SUPT3H: variants seen among roughly 807,000 people sequenced by gnomAD.
The protein encoded by SUPT3H is transcription initiation protein SPT3 homolog.
SUPT3H carries 44 observed loss-of-function variants against 44.3 expected under a neutral mutation model. The ratio of observed to expected loss-of-function variants is 0.99; its 90% confidence interval spans 0.78 to 1.28. The LOEUF (loss-of-function observed/expected upper bound fraction) is 1.28, where lower values mean the gene tolerates loss of function less well. Among genes scored for constraint, SUPT3H ranks in the 50% most tolerant of loss-of-function variants. SUPT3H has a pLI of 0.00. For missense variants in SUPT3H, 380 were observed against 387.1 expected (o/e 0.98, Z 0.15); for synonymous variants, 124 against 125.6 (o/e 0.99, Z 0.09).
intron 2 of SUPT3H, among the ~76,000 whole-genome samples, chr6:45,158,225 T>C (rs1200450691): frequency 1.4e-5 from 2 of 138,730 alleles, no homozygotes; most frequent in African/African-American, 5.4e-5. Flanking sequence ...GATAGATAGA[T>C]AGATAGATAG....
chr6:45,327,414 A>G (rs1229857298), intron 2 of SUPT3H, among the ~76,000 whole-genome samples: 2 of 152,044 alleles, frequency 1.3e-5, no homozygotes, highest in Non-Finnish European at 2.9e-5. Flanking sequence ...TAAACTACTT[A>G]AAGAACTATA....
intron 3 of SUPT3H, among the ~76,000 whole-genome samples, chr6:45,061,396 T>C (rs1299257088): frequency 6.6e-6 from 1 of 152,078 alleles, no homozygotes; most frequent in African/African-American, 2.4e-5. Context: ...AGCCAAACGA[T>C]GAGAACACGT....
chr6:44,976,551 C>T (rs1007590093), intron 6 of SUPT3H, among the ~76,000 whole-genome samples: 7 of 151,956 alleles, frequency 4.6e-5, no homozygotes, highest in South Asian at 2.1e-4. Flanking sequence ...TTAGTAGAGA[C>T]GGGGTTTCAC....
chr6:45,239,556 T>C (rs767548186), intron 2 of SUPT3H, among the ~76,000 whole-genome samples: 18 of 152,350 alleles, frequency 1.2e-4, no homozygotes, highest in South Asian at 1.0e-3. Context: ...ACATCACACA[T>C]GTTCCCTCGT....
intron 2 of SUPT3H, among the ~76,000 whole-genome samples, chr6:45,287,248 A>T (rs1264286646): frequency 7.2e-6 from 1 of 138,546 alleles, no homozygotes; most frequent in East Asian, 1.9e-4. Context: ...TAATAAAAAT[A>T]AAAAATAAAA....
At chr6:44,824,093 G>T (rs1767561894), downstream of SUPT3H, among the ~76,000 whole-genome samples, 1 of 152,222 alleles carries the variant, frequency 6.6e-6, no homozygotes, top group African/African-American at 2.4e-5. Flanking sequence ...TCTTCCTGTG[G>T]GATTAGGAAC....
chr6:45,308,584 T>G (rs537590390), intron 2 of SUPT3H, among the ~76,000 whole-genome samples: 96 of 152,080 alleles, frequency 6.3e-4, no homozygotes, highest in Non-Finnish European at 1.3e-3. Flanking sequence ...CTACAAGAGC[T>G]CCTGTCCTGG....
chr6:45,239,967 G>A (rs1173374503), intron 2 of SUPT3H, among the ~76,000 whole-genome samples: 2 of 152,200 alleles, frequency 1.3e-5, no homozygotes, highest in Non-Finnish European at 2.9e-5. Flanking sequence ...ATCAGCAGCT[G>A]AAGAGCATCT....
At chr6:44,874,979 C>G (rs1209859026) in intron 10 of SUPT3H, among the ~76,000 whole-genome samples, 3 of 96,598 alleles carry the variant, frequency 3.1e-5, no homozygotes, top group Admixed American at 1.1e-4. Flanking sequence ...GAACTACAAA[C>G]CACTGCTCAA....
chr6:45,319,556 C>A lies in SUPT3H; in HGVS notation c.101+45645G>T, dbSNP rs146407462. 2.5e-3 allele frequency among the ~76,000 whole-genome samples: 374 copies of A among 152,204 alleles called. 3 individuals are homozygous for A. Among genetic ancestry groups the A allele is most frequent in the African/African-American group, 8.7e-3 (360 of 41,546 alleles). Reference sequence around the variant, plus strand: ...TGAAATTCAGATCAGAATACAAGCTCAATTTTTATTTACCAATAAAAATAC... The same window carrying A: ...TGAAATTCAGATCAGAATACAAGCTAAATTTTTATTTACCAATAAAAATAC... On this transcript the variant is annotated intron_variant, in intron 2 of 10. Coordinates refer to ENST00000371459, the MANE Select transcript of SUPT3H (RefSeq NM_003599.4).
chr6:45,210,097 T>G (rs974177671), intron 2 of SUPT3H, among the ~76,000 whole-genome samples: 1 of 151,960 alleles, frequency 6.6e-6, no homozygotes, highest in African/African-American at 2.4e-5. Flanking sequence ...TGTATACTGC[T>G]TTTTTTTAAA....
chr6:44,957,582 A>C (rs894491340), intron 7 of SUPT3H, among the ~76,000 whole-genome samples: 1 of 152,072 alleles, frequency 6.6e-6, no homozygotes, highest in African/African-American at 2.4e-5. Context: ...TAAACAGTTG[A>C]TTTTAAAAGT....
chr6:45,100,380 T>TA (rs1165384453), intron 3 of SUPT3H, among the ~76,000 whole-genome samples: 2 of 150,532 alleles, frequency 1.3e-5, no homozygotes, highest in Non-Finnish European at 3.0e-5. Context: ...AAAATCCAAT[T>TA]AAAAAAATAG....
intron 10 of SUPT3H, among the ~76,000 whole-genome samples, chr6:44,869,136 G>A (rs1775952900): frequency 6.6e-6 from 1 of 152,154 alleles, no homozygotes; most frequent in African/African-American, 2.4e-5. Context: ...CTCTAGCAGT[G>A]CCAGCTCTTG....
chr6:45,101,817 C>T (rs1798621293), intron 3 of SUPT3H, among the ~76,000 whole-genome samples: 1 of 151,988 alleles, frequency 6.6e-6, no homozygotes, highest in Middle Eastern at 3.4e-3. Context: ...AAAAAAAAAC[C>T]TGGCAGTGAG....
At chr6:44,809,553 A>T (rs1218655111) in intron 11 of SUPT3H, 1 of 152,248 alleles carries the variant, frequency 6.6e-6, no homozygotes, top group Admixed American at 6.5e-5. Context: ...GAAAAGCACA[A>T]AGTTGGTACA....
chr6:45,235,828 C>T (rs1296877220), intron 2 of SUPT3H, among the ~76,000 whole-genome samples: 1 of 152,256 alleles, frequency 6.6e-6, no homozygotes, highest in South Asian at 2.1e-4. Context: ...ATGGCCATGA[C>T]TCCCATGCTG....
intron 10 of SUPT3H, among the ~76,000 whole-genome samples, chr6:44,910,234 C>T (rs996116455): frequency 2.0e-5 from 3 of 152,176 alleles, no homozygotes; most frequent in Admixed American, 2.0e-4. Flanking sequence ...GTCACTGAAA[C>T]CTGACCTTCC....
intron 6 of SUPT3H, among the ~76,000 whole-genome samples, chr6:44,986,049 T>C (rs9296450): frequency 0.24 from 36,359 of 152,184 alleles, 4,572 homozygotes; most frequent in Admixed American, 0.37. Context: ...TATCTTTTAA[T>C]ATGTGATTCT....
Sources: gnomAD v4.1 joint callset for allele counts (sites outside exome capture counted in the v4.1 genomes callset) on GRCh38, gnomAD v4.1.1 for gene constraint, MANE v1.5 for transcripts, NCBI Gene and HGNC (gene_info 2026-07-23, HGNC 2026-07-21) for gene names.